Variants in USP36 observed in about 807,000 individuals in gnomAD.
USP36 encodes ubiquitin specific peptidase 36.
In USP36, 59 loss-of-function variants were observed where a neutral mutation model predicts 111.5. The observed-to-expected ratio is 0.53, with a 90% CI of 0.43 to 0.66. The LOEUF (loss-of-function observed/expected upper bound fraction) is 0.66. Among genes scored for constraint, USP36 ranks in the 30% least tolerant of loss-of-function variants. The pLI is 0.00. For synonymous variants in USP36, 628 were observed against 581.0 expected (o/e 1.08, Z -1.16); for missense variants, 1,488 against 1,468.0 (o/e 1.01, Z -0.22).
chr17:78,836,442 T>A, intron 2 of USP36, 70 bp from the exon 3 acceptor site: 2 of 1,544,834 alleles, frequency 1.3e-6, no homozygotes, highest in Non-Finnish European at 1.7e-6. Context: ...TCTTAAGATC[T>A]CCTCTTTGGT....
chr17:78,802,368 C>A lies in USP36; in HGVS notation c.2978G>T (p.Ser993Ile), dbSNP rs1414238718. The A allele has an allele frequency of 1.2e-6, 2 of 1,603,984 alleles. No homozygotes were observed. The highest frequency in any genetic ancestry group is 1.3e-5 in the African/African-American group (1 of 74,790). Residue 993 changes from serine to isoleucine, a missense_variant, in exon 17 of 21, where the codon AGC becomes ATC. By Grantham distance (142) the Ser-to-Ile change is moderately radical (BLOSUM62 -2). Around this residue, in one of 3 missense-constraint regions of USP36, gnomAD observed 1,073 missense variants for 994.1 expected, o/e 1.08. Coordinates refer to ENST00000449938, the MANE Select transcript of USP36 (RefSeq NM_001385174.1). ...PQDAVVPESSSCAPSANGWCP... is the reference protein window; with the variant it reads ...PQDAVVPESSICAPSANGWCP... ...CCAGCCATTCGCGGATGGTGCGCAG[C>A]TGCTGGACTCGGGGACAACAGCATC...
In USP36 at chr17:78,798,159, C is replaced by T; in HGVS notation, c.*20+241G>A. ...ACCCAACACACACTACACACACCCC[C>T]TTATACACACGCATCCCACACACAC... On this transcript the variant is annotated intron_variant, in intron 20 of 20. Transcript: ENST00000449938. This position sits in a 1 kb window ranked among gnomAD's most constrained non-coding sequence, Gnocchi z 5.1. The T allele has an allele frequency of 3.6e-6, 2 of 548,948 alleles. No homozygotes were observed. Among genetic ancestry groups the T allele is most frequent in the South Asian group, 4.5e-5 (2 of 44,362 alleles). The allele number at this position is 548,948 out of a possible 1,614,324, so 34.0% of individuals were successfully genotyped here. A position where few individuals can be genotyped will look rare whatever the true frequency, so the allele number is the denominator to read the frequency against.
intron 7 of USP36, chr17:78,821,267 C>A (rs2094311562): frequency 1.9e-6 from 1 of 521,820 alleles, no homozygotes; most frequent in Non-Finnish European, 3.5e-6. Flanking sequence ...AATATCTTTG[C>A]ACTCACAGGG....
At position 78,827,369 on chromosome 17, in the gene USP36, A is replaced by C. The variant is rs763430031; in HGVS notation, c.587-22T>G. 4 of 1,597,130 alleles carry C rather than the reference A, an allele frequency of 2.5e-6. No homozygotes were observed. The South Asian group carries it at 4.5e-5, about 18-fold the overall frequency. On this transcript the variant is annotated intron_variant, in intron 5 of 20. Transcript: ENST00000449938. Reference sequence around the variant, plus strand: ...ATCTCTAAAAGAGGAAGAAACAGGGAGGGAAGAGCTCGTGTCTTCTCATCA... The same window carrying C: ...ATCTCTAAAAGAGGAAGAAACAGGGCGGGAAGAGCTCGTGTCTTCTCATCA...
chr17:78,829,475 T>C (rs928280829), intron 4 of USP36, among the ~76,000 whole-genome samples: 2 of 152,220 alleles, frequency 1.3e-5, no homozygotes, highest in Non-Finnish European at 2.9e-5. Flanking sequence ...TCTGTTCCAC[T>C]GGTTCTAGTA....
intron 9 of USP36, among the ~76,000 whole-genome samples, chr17:78,819,652 G>T (rs2094271994): frequency 6.6e-6 from 1 of 152,250 alleles, no homozygotes; most frequent in African/African-American, 2.4e-5. Context: ...CTGTGCCTCA[G>T]TTTCACCATC....
At chr17:78,812,490 G>A (rs1350572096) in intron 13 of USP36, among the ~76,000 whole-genome samples, 1 of 151,822 alleles carries the variant, frequency 6.6e-6, no homozygotes. Context: ...GAGATCGAAA[G>A]CATCCTGGCT....
At chr17:78,820,834 C>A (rs1175406554) in intron 8 of USP36, among the ~76,000 whole-genome samples, 157 bp downstream of exon 8, 54 of 152,156 alleles carry the variant, frequency 3.5e-4, no homozygotes, top group Non-Finnish European at 1.2e-4. Flanking sequence ...TAGAAAAAAA[C>A]AGGTAAAGAC....
chr17:78,822,563 G>A lies in USP36; in HGVS notation c.690-559C>T, dbSNP rs966322076. Among the ~76,000 whole-genome samples, 12 of 152,262 alleles carry A rather than the reference G, an allele frequency of 7.9e-5. 4 individuals carry two copies. Among genetic ancestry groups the A allele is most frequent in the Admixed American group, 6.5e-5 (1 of 15,302 alleles). On this transcript the variant is annotated intron_variant, in intron 6 of 20. Transcript: ENST00000449938. The stretch of plus-strand genomic sequence containing the variant: ...CAGCGGAGTCAGACGTGGGCTTCGG[G>A]GTCAGGAGCCCTGCCCTCATTCATG...
At chr17:78,811,696 C>T (rs1220602271) in intron 13 of USP36, among the ~76,000 whole-genome samples, 2 of 151,894 alleles carry the variant, frequency 1.3e-5, no homozygotes, top group Non-Finnish European at 2.9e-5. Flanking sequence ...AGTGAAACCC[C>T]GTCTCCACTA....
rs866088865 is a variant in USP36, at chr17:78,836,320, C to T, written c.44G>A (p.Arg15His). ...TTCTCCATCATCAGCCGAGTCCTTG[C>T]GGCCGGGTTTCAGGGCCTCCTTCAA... Reference protein sequence around the residue: ...DKLKEALKPGRKDSADDGELG... With the variant: ...DKLKEALKPGHKDSADDGELG... Residue 15 changes from arginine (R) to histidine (H), a missense_variant, in exon 3 of 21, where the codon CGC becomes CAC. Coordinates refer to ENST00000449938, the MANE Select transcript of USP36 (RefSeq NM_001385174.1). The T allele has an allele frequency of 6.2e-6, 10 of 1,614,040 alleles. No individual in the cohort carries two copies. The highest frequency in any genetic ancestry group is 1.1e-5 in the South Asian group (1 of 91,086).
In USP36 at chr17:78,829,025, G is replaced by A. The variant is rs760785726; in HGVS notation, c.476-18C>T. ...CTGGTGGCCTGCCGGCGTGGAAGGA[G>A]GAGCAATTTTAAGACAAGAGCTTTC... is the stretch of plus-strand genomic sequence containing the variant. On this transcript the variant is annotated intron_variant, in intron 4 of 20. Coordinates refer to ENST00000449938, the MANE Select transcript of USP36 (RefSeq NM_001385174.1). 22 of 1,608,180 alleles carry A rather than the reference G, an allele frequency of 1.4e-5. No individual in the cohort carries two copies. The highest frequency in any genetic ancestry group is 1.7e-4 in the Middle Eastern group (1 of 5,766).
intron 4 of USP36, among the ~76,000 whole-genome samples, chr17:78,830,051 C>G (rs1345631463): frequency 6.6e-6 from 1 of 152,176 alleles, no homozygotes; most frequent in Non-Finnish European, 1.5e-5. Context: ...GACAGTGGTA[C>G]ATTTTTACCT....
rs2093659788 is a variant in USP36 at position 78,798,183 on chromosome 17, A to C, written c.*20+217T>G. Reference sequence around the variant, plus strand: ...CCTTATACACACGCATCCCACACACACCCCCTTATACACACGCATCCCACA... The same window carrying C: ...CCTTATACACACGCATCCCACACACCCCCCCTTATACACACGCATCCCACA... On this transcript the variant is annotated intron_variant, in intron 20 of 20. Transcript: ENST00000449938. The surrounding 1 kb of genome is among the most constrained non-coding windows in gnomAD (Gnocchi z 5.1). 8.6e-6 allele frequency: 5 copies of C among 580,282 alleles called. No homozygotes were observed. The highest frequency in any genetic ancestry group is 1.9e-5 in the African/African-American group (1 of 52,154). The allele number at this position is 580,282 out of a possible 1,614,324, so 35.9% of individuals were successfully genotyped here. A position where few individuals can be genotyped will look rare whatever the true frequency, so the allele number is the denominator to read the frequency against.
chr17:78,823,416 G>C (rs1176292989), intron 6 of USP36, among the ~76,000 whole-genome samples: 2 of 152,148 alleles, frequency 1.3e-5, no homozygotes, highest in African/African-American at 4.8e-5. Flanking sequence ...ATCCCCTCTT[G>C]CATAACCCAA....
intron 6 of USP36, among the ~76,000 whole-genome samples, chr17:78,826,244 C>CT (rs2067530245): frequency 1.3e-5 from 2 of 152,192 alleles, no homozygotes; most frequent in Non-Finnish European, 2.9e-5. Flanking sequence ...AGTAAGTTTT[C>CT]TTAAGCCAGG....
intron 10 of USP36, among the ~76,000 whole-genome samples, chr17:78,816,619 C>T (rs527967818): frequency 6.6e-6 from 1 of 151,566 alleles, no homozygotes; most frequent in Admixed American, 6.6e-5. Flanking sequence ...GAGTAAGACT[C>T]CGTCTCAAAA....
At position 78,807,190 on chromosome 17, in the gene USP36, C is replaced by T. The variant is rs371268256; in HGVS notation, c.1854G>A (p.Ser618=). ...GGGCCTTGGTGGAGTCGCTGCTGGC[C>T]GAGTGCTCTGGGCTGGAGCTGCTGG... is the stretch of plus-strand genomic sequence containing the variant. ...RGSSSSSPEH[S]ASSDSTKAPQ... is the part of the protein sequence containing the mutation. The change falls in exon 14 of 21, where the codon TCG becomes TCA. Residue 618 remains serine (S), a synonymous_variant. Transcript: ENST00000449938. 97 of 1,613,980 alleles carry T rather than the reference C, an allele frequency of 6.0e-5. No homozygotes were observed. Among genetic ancestry groups the T allele is most frequent in the East Asian group, 1.8e-4 (8 of 44,890 alleles).
chr17:78,831,040 C>T (rs932848607), intron 4 of USP36, among the ~76,000 whole-genome samples: 1 of 150,970 alleles, frequency 6.6e-6, no homozygotes, highest in African/African-American at 2.4e-5. Flanking sequence ...TCCTGGCTTA[C>T]ACAGTGAAAC....
Sources: gnomAD v4.1 joint callset for allele counts (sites outside exome capture counted in the v4.1 genomes callset) on GRCh38, gnomAD v4.1.1 for gene constraint, gnomAD v4.1.1 regional missense constraint, Gnocchi (gnomAD v3.1) non-coding constraint, MANE v1.5 for transcripts, NCBI Gene and HGNC (gene_info 2026-07-23, HGNC 2026-07-21) for gene names.